ZNF704: variants seen among roughly 807,000 people sequenced by gnomAD.
ZNF704 encodes the protein zinc finger protein 704, also known as glucocorticoid induced gene 1.
A neutral mutation model predicts 44.7 loss-of-function variants in ZNF704; 10 were observed. The observed-to-expected ratio is 0.22, with a 90% CI of 0.14 to 0.38. ZNF704 has a LOEUF of 0.38. Among genes scored for constraint, ZNF704 ranks in the 10% least tolerant of loss-of-function variants. The pLI, the probability that ZNF704 is intolerant of heterozygous loss-of-function variation, is 1.00. For synonymous variants in ZNF704, 211 were observed against 207.6 expected (o/e 1.02, Z -0.14); for missense variants, 390 against 545.5 (o/e 0.71, Z 2.84).
At chr8:80,867,270 C>A (rs1809171155) in intron 1 of ZNF704, among the ~76,000 whole-genome samples, 1 of 152,184 alleles carries the variant, frequency 6.6e-6, no homozygotes, top group Non-Finnish European at 1.5e-5. Flanking sequence ...AAGTCCACCT[C>A]TAGCTGAGGT....
intron 2 of ZNF704, among the ~76,000 whole-genome samples, chr8:80,803,182 C>T (rs1202433762): frequency 6.6e-6 from 1 of 151,724 alleles, no homozygotes; most frequent in East Asian, 1.9e-4. Context: ...CTCAAAGCAT[C>T]AGAGGACACT....
At chr8:80,804,402 T>C (rs572370646) in intron 2 of ZNF704, among the ~76,000 whole-genome samples, 2 of 152,298 alleles carry the variant, frequency 1.3e-5, no homozygotes, top group African/African-American at 4.8e-5. Flanking sequence ...CTATTCACAA[T>C]AGCAAAGACG....
chr8:80,642,947 A>G (rs1018461130), intron 8 of ZNF704, 88 bp downstream of exon 8: 1 of 856,542 alleles, frequency 1.2e-6, no homozygotes. Context: ...ATTTTATAGA[A>G]GATCATTTCT....
chr8:80,682,030 G>T (rs1818461311), intron 4 of ZNF704, among the ~76,000 whole-genome samples: 1 of 152,202 alleles, frequency 6.6e-6, no homozygotes, highest in African/African-American at 2.4e-5. Flanking sequence ...CCAAGCTGCT[G>T]TTCTTAGCAT....
intron 4 of ZNF704, among the ~76,000 whole-genome samples, chr8:80,679,805 G>A (rs59022945): frequency 0.1 from 15,615 of 152,240 alleles, 2,712 homozygotes; most frequent in African/African-American, 0.35. Context: ...CCACGCAGTC[G>A]TGAGCAGACT....
rs1266082942 is a variant in ZNF704, at chr8:80,628,941, A to G, written c.*12425T>C. On this transcript the variant is annotated 3_prime_UTR_variant, in exon 9 of 9. Coordinates refer to ENST00000327835, the MANE Select transcript of ZNF704 (RefSeq NM_001033723.3). ...CTTGGGAAAGTGCAGTTTAACTGGT[A>G]TGAACATTTAACATTGTACATCTTC... The G allele has an allele frequency of 6.6e-6, 1 of 152,238 alleles. No homozygotes were observed. The highest frequency in any genetic ancestry group is 1.5e-5 in the Non-Finnish European group (1 of 68,030). The allele number at this position is 152,238 out of a possible 1,614,324, so 9.4% of individuals were successfully genotyped here.
chr8:80,852,712 C>A (rs1189516901), intron 1 of ZNF704, among the ~76,000 whole-genome samples: 1 of 152,168 alleles, frequency 6.6e-6, no homozygotes, highest in Non-Finnish European at 1.5e-5. Flanking sequence ...CCCAAGTTTT[C>A]ATTTGTTGTG....
intron 1 of ZNF704, among the ~76,000 whole-genome samples, chr8:80,845,927 G>A (rs1808760595): frequency 1.3e-5 from 2 of 152,040 alleles, no homozygotes; most frequent in African/African-American, 2.4e-5. Context: ...TATCTCCTCT[G>A]CCATACTAAA....
chr8:80,798,598 C>A (rs535149280), intron 2 of ZNF704, among the ~76,000 whole-genome samples: 1 of 152,256 alleles, frequency 6.6e-6, no homozygotes, highest in South Asian at 2.1e-4. Flanking sequence ...TGATCACTTA[C>A]CCAGTCTCTA....
intron 2 of ZNF704, among the ~76,000 whole-genome samples, chr8:80,769,867 C>T (rs1011849939): frequency 1.1e-4 from 16 of 152,138 alleles, no homozygotes; most frequent in South Asian, 1.0e-3. Flanking sequence ...ACTGTATTAG[C>T]CCATTTTCAT....
intron 1 of ZNF704, among the ~76,000 whole-genome samples, chr8:80,856,240 T>C (rs530415340): frequency 2.0e-5 from 3 of 152,290 alleles, no homozygotes; most frequent in East Asian, 3.9e-4. Flanking sequence ...ATTATAGCTA[T>C]GAGCCACCGT....
intron 1 of ZNF704, among the ~76,000 whole-genome samples, chr8:80,850,423 T>C (rs1808839012): frequency 6.6e-6 from 1 of 152,106 alleles, no homozygotes; most frequent in African/African-American, 2.4e-5. Context: ...CATATAAAAG[T>C]GAAATGCATC....
chr8:80,821,522 A>G lies in ZNF704; in HGVS notation c.73T>C (p.Ser25Pro). Reference sequence around the variant, plus strand: ...TTCACATCTTCCTCCATGGCCAAGGAAAACACGTGTTGATGAGACATTTTT... The same window carrying G: ...TTCACATCTTCCTCCATGGCCAAGGGAAACACGTGTTGATGAGACATTTTT... ...GKKMSHQHVF[S>P]LAMEEDVKTA... The change falls in exon 2 of 9, where the codon TCC becomes CCC. Residue 25 changes from serine (S) to proline (P), a missense_variant. This residue lies in a region of ZNF704 where 80 missense variants were observed against 83.7 expected (regional missense o/e 0.96). Transcript: ENST00000327835. 6.2e-7 allele frequency: 1 copy of G among 1,614,152 alleles called. No individual in the cohort carries two copies. The highest frequency in any genetic ancestry group is 8.5e-7 in the Non-Finnish European group (1 of 1,180,010).
At chr8:80,865,265 G>A (rs2130055672) in intron 1 of ZNF704, among the ~76,000 whole-genome samples, 1 of 152,292 alleles carries the variant, frequency 6.6e-6, no homozygotes, top group South Asian at 2.1e-4. Context: ...GATAGCCACT[G>A]ATGGAATCAT....
chr8:80,819,008 C>T (rs1808220803), intron 2 of ZNF704, among the ~76,000 whole-genome samples: 1 of 152,044 alleles, frequency 6.6e-6, no homozygotes, highest in African/African-American at 2.4e-5. Context: ...ACTTATCTCA[C>T]CAACTGCTGG....
intron 7 of ZNF704, among the ~76,000 whole-genome samples, chr8:80,646,297 T>C (rs1319132926): frequency 2.6e-5 from 4 of 152,062 alleles, no homozygotes; most frequent in Non-Finnish European, 5.9e-5. Context: ...CTGGGCAACA[T>C]GGTGAAACCC....
chr8:80,872,572 CTT>C (rs750278242), intron 1 of ZNF704, among the ~76,000 whole-genome samples: 8 of 152,280 alleles, frequency 5.3e-5, no homozygotes, highest in East Asian at 1.9e-4. Context: ...AGGAACCACT[CTT>C]GAGAAAAATC....
At chr8:80,675,468 G>GTT (rs1056769113) in intron 4 of ZNF704, among the ~76,000 whole-genome samples, 21 of 143,524 alleles carry the variant, frequency 1.5e-4, no homozygotes, top group African/African-American at 5.6e-4. Context: ...CTTAAGTTTT[G>GTT]TTTTGTTTTT....
intron 2 of ZNF704, among the ~76,000 whole-genome samples, chr8:80,817,552 T>G: frequency 6.6e-6 from 1 of 152,236 alleles, no homozygotes; most frequent in East Asian, 1.9e-4. Flanking sequence ...TTTCTCTTAC[T>G]AAAACGTTTG....
Sources: allele counts gnomAD v4.1 joint callset (sites outside exome capture counted in the v4.1 genomes callset), GRCh38; gene constraint gnomAD v4.1.1; regional missense constraint gnomAD v4.1.1; transcripts MANE v1.5; gene names NCBI Gene and HGNC (gene_info 2026-07-23, HGNC 2026-07-21).